The following CEP250 variants were observed in gnomAD, a reference collection of about 807,000 sequenced individuals.
CEP250 encodes the protein centrosomal protein 250.
CEP250 carries 242 observed loss-of-function variants against 315.7 expected under a neutral mutation model. The observed-to-expected ratio is 0.77, with a 90% CI of 0.69 to 0.85. CEP250 has a LOEUF of 0.85. Ranked by LOEUF, CEP250 falls within the 40% of genes least tolerant of loss-of-function variation. The pLI is 0.00. For missense variants in CEP250, 2,515 were observed against 2,886.4 expected (o/e 0.87, Z 2.95); for synonymous variants, 1,088 against 1,175.0 (o/e 0.93, Z 1.51).
chr20:35,488,637 C>T (rs995279364), intron 20 of CEP250, among the ~76,000 whole-genome samples: 5 of 151,876 alleles, frequency 3.3e-5, no homozygotes, highest in African/African-American at 1.2e-4. Context: ...CTAATTTTTG[C>T]ATTTTTTGTA....
chr20:35,455,951 A>G (rs1276512317), intron 1 of CEP250, among the ~76,000 whole-genome samples, 200 bp downstream of exon 1: 1 of 152,218 alleles, frequency 6.6e-6, no homozygotes, highest in African/African-American at 2.4e-5. Flanking sequence ...GCTGGAGTGC[A>G]ATGGCGCGAT....
chr20:35,467,535 G>A lies in CEP250; in HGVS notation c.831G>A (p.Glu277=). 6.2e-7 allele frequency: 1 copy of A among 1,613,962 alleles called. No homozygotes were observed. The highest frequency in any genetic ancestry group is 1.3e-5 in the African/African-American group (1 of 75,046). The change falls in exon 9 of 35, where the codon GAG becomes GAA. Residue 277 remains glutamate (E), a synonymous_variant. Transcript: ENST00000397527. ...LIQLKSQGDL[E]KAELQDRVTE... The stretch of plus-strand genomic sequence containing the variant: ...AGCTGAAGAGTCAAGGGGATCTGGA[G>A]AAGGCTGAACTTCAGGACCGGTGAG...
Position 35,503,227 on chromosome 20 carries a change from G to T in CEP250, c.4858G>T (p.Val1620Phe), listed in dbSNP as rs770116371. ...CCATGACCTGGAGAGCCACAGCACC[G>T]TTCTGGCAAGAGAGCTGCAGGAGAG... ...QIHDLESHST[V>F]LARELQERDQ... Residue 1620 changes from valine (V) to phenylalanine (F), a missense_variant, in exon 30 of 35, where the codon GTT (valine) becomes TTT (phenylalanine). By Grantham distance (50) the Val-to-Phe change is conservative (BLOSUM62 -1). Transcript: ENST00000397527. The surrounding 1 kb of genome is among the most constrained non-coding windows in gnomAD (Gnocchi z 4.2). The T allele has an allele frequency of 3.7e-6, 6 of 1,614,024 alleles. No individual in the cohort carries two copies. The highest frequency in any genetic ancestry group is 3.3e-5 in the Admixed American group (2 of 59,988).
chr20:35,490,006 C>G (rs1214152702), intron 20 of CEP250, among the ~76,000 whole-genome samples: 1 of 152,024 alleles, frequency 6.6e-6, no homozygotes, highest in Non-Finnish European at 1.5e-5. Flanking sequence ...TAGTGAGACC[C>G]CATCTCTAAA....
At chr20:35,482,672 G>A (rs1349422778) in intron 20 of CEP250, among the ~76,000 whole-genome samples, 2 of 151,844 alleles carry the variant, frequency 1.3e-5, no homozygotes, top group Non-Finnish European at 2.9e-5. Flanking sequence ...CAGTTCTTCT[G>A]CCTCAGCCTC....
intron 8 of CEP250, 34 bp from the exon 9 acceptor site, chr20:35,467,270 A>G (rs781284061): frequency 6.3e-7 from 1 of 1,598,706 alleles, no homozygotes; most frequent in Non-Finnish European, 8.5e-7. Flanking sequence ...CCTGGTTCCT[A>G]GTGGAGTCTG....
chr20:35,497,682 C>T (rs1228968989), intron 25 of CEP250, 37 bp from the exon 26 acceptor site: 19 of 1,450,464 alleles, frequency 1.3e-5, no homozygotes, highest in Non-Finnish European at 1.8e-5. Context: ...AGGGTATCCG[C>T]TTCCTGCTTA....
intron 20 of CEP250, among the ~76,000 whole-genome samples, chr20:35,487,583 A>G (rs996462786): frequency 3.9e-5 from 6 of 152,216 alleles, no homozygotes; most frequent in Non-Finnish European, 8.8e-5. Context: ...GCACCTCCCC[A>G]TGCCAAGCAC....
At chr20:35,495,975 G>A (rs573556999) in intron 24 of CEP250, among the ~76,000 whole-genome samples, 38 of 152,214 alleles carry the variant, frequency 2.5e-4, no homozygotes, top group African/African-American at 8.7e-4. Context: ...TAGATTGGAT[G>A]TAGGTAGGTT....
intron 27 of CEP250, among the ~76,000 whole-genome samples, chr20:35,499,644 C>T (rs2063945285): frequency 6.6e-6 from 1 of 152,342 alleles, no homozygotes; most frequent in African/African-American, 2.4e-5. Flanking sequence ...GGATCAATAA[C>T]AGACGCAAGT....
In CEP250 at chr20:35,503,156, AC is replaced by A; in HGVS notation, c.4789del (p.Leu1597Ter). ...QRVALTHLTL[D>X]LEERSQELQA... ...GTGGCTTTGACCCACCTTACGCTGG[AC>A]CTAGAAGAAAGGAGCCAGGAGCTGC... On this transcript the variant is annotated frameshift_variant, in exon 30 of 35. Transcript: ENST00000397527. LOFTEE classifies it high-confidence loss of function. The surrounding 1 kb of genome is among the most constrained non-coding windows in gnomAD (Gnocchi z 4.2). The A allele has an allele frequency of 6.2e-7, 1 of 1,614,118 alleles. No individual in the cohort carries two copies. Among genetic ancestry groups the A allele is most frequent in the East Asian group, 2.2e-5 (1 of 44,882 alleles).
intron 30 of CEP250, among the ~76,000 whole-genome samples, chr20:35,506,714 G>A (rs1227520839): frequency 6.6e-6 from 1 of 152,148 alleles, no homozygotes; most frequent in African/African-American, 2.4e-5. Context: ...TTGAAATACA[G>A]TAGTGCGGCT....
rs763828103 is a variant in CEP250 at position 35,473,982 on chromosome 20, G to A, written c.1501G>A (p.Asp501Asn). Residue 501 changes from aspartate to asparagine, a missense_variant, in exon 14 of 35, where the codon GAC becomes AAC. Asp to Asn is a conservative substitution (Grantham distance 23). Transcript: ENST00000397527. The stretch of plus-strand genomic sequence containing the variant: ...AAATGTGGAGCTTCAGCTGCAGGGG[G>A]ACTCTGCCCAGGGCCAGAAGGAGGA... ...RVNVELQLQG[D>N]SAQGQKEEQQ... 6.2e-7 allele frequency: 1 copy of A among 1,608,378 alleles called. No homozygotes were observed. The highest frequency in any genetic ancestry group is 8.5e-7 in the Non-Finnish European group (1 of 1,178,292).
At chr20:35,482,877 G>A (rs2063391617) in intron 20 of CEP250, among the ~76,000 whole-genome samples, 2 of 152,104 alleles carry the variant, frequency 1.3e-5, no homozygotes, top group South Asian at 2.1e-4. Context: ...GTGTTTAGAT[G>A]TGTATTTCTT....
intron 25 of CEP250, among the ~76,000 whole-genome samples, chr20:35,497,302 C>T (rs1369722578): frequency 6.6e-6 from 1 of 152,140 alleles, no homozygotes; most frequent in Non-Finnish European, 1.5e-5. Context: ...CAAGGGTGAA[C>T]AATTCTTGTT....
Position 35,477,943 on chromosome 20 carries a change from G to T in CEP250, c.1936G>T (p.Asp646Tyr). 2.5e-6 allele frequency: 4 copies of T among 1,611,110 alleles called. No individual in the cohort carries two copies. Among genetic ancestry groups the T allele is most frequent in the Non-Finnish European group, 3.4e-6 (4 of 1,178,872 alleles). ...GCAGGCGAGAAATGCTTTGCAGGTCGACCTGGCGGAGGCAGAGAAGAGGAG... is the reference window on the plus strand; with the variant it reads ...GCAGGCGAGAAATGCTTTGCAGGTCTACCTGGCGGAGGCAGAGAAGAGGAG... ...AEQARNALQV[D>Y]LAEAEKRREA... Residue 646 changes from aspartate (D) to tyrosine (Y), a missense_variant, in exon 17 of 35, where the codon GAC (aspartate) becomes TAC (tyrosine). Physicochemically the swap from Asp to Tyr is radical, Grantham distance 160 (BLOSUM62 -3). Transcript: ENST00000397527.
chr20:35,458,716 C>T (rs1220749607), intron 2 of CEP250, among the ~76,000 whole-genome samples: 4 of 152,176 alleles, frequency 2.6e-5, no homozygotes, highest in Admixed American at 2.0e-4. Context: ...CTTGAGGAAG[C>T]TCAGAATGAA....
intron 18 of CEP250, 99 bp downstream of exon 18, chr20:35,479,523 A>G (rs2063279330): frequency 6.5e-7 from 1 of 1,542,656 alleles, no homozygotes; most frequent in Admixed American, 2.0e-5. Flanking sequence ...TCCTAAATTG[A>G]TTATGAATTT....
intron 10 of CEP250, among the ~76,000 whole-genome samples, chr20:35,471,422 T>C (rs909897163): frequency 1.3e-5 from 2 of 152,380 alleles, no homozygotes; most frequent in Admixed American, 1.3e-4. Flanking sequence ...CAGAAATTTA[T>C]ATTTTTATGT....
Sources: allele counts gnomAD v4.1 joint callset (sites outside exome capture counted in the v4.1 genomes callset), GRCh38; gene constraint gnomAD v4.1.1; non-coding constraint Gnocchi (gnomAD v3.1); transcripts MANE v1.5; gene names NCBI Gene and HGNC (gene_info 2026-07-23, HGNC 2026-07-21).